BAZ1A: variants seen among roughly 807,000 people sequenced by gnomAD.
BAZ1A encodes the protein bromodomain adjacent to zinc finger domain 1A.
Under a neutral mutation model 185.2 loss-of-function variants are expected in BAZ1A, and 50 were observed. That is an observed-to-expected ratio of 0.27 (90% CI 0.22 to 0.34). The LOEUF is 0.34. Ranked by LOEUF, BAZ1A falls within the 10% of genes least tolerant of loss-of-function variation. The pLI is 1.00. For missense variants in BAZ1A, 1,356 were observed against 1,839.9 expected, an observed-to-expected ratio of 0.74 and a Z score of 4.81; for synonymous variants, 571 against 615.6, an observed-to-expected ratio of 0.93 and a Z score of 1.07.
chr14:34,800,947 TAAAC>T, intron 8 of BAZ1A, 143 bp downstream of exon 8: 1 of 582,302 alleles, frequency 1.7e-6, no homozygotes, highest in African/African-American at 2.0e-5. Flanking sequence ...AACAAACAAA[TAAAC>T]AATAGTTATC....
At chr14:34,772,073 G>C (rs1789986133) in intron 20 of BAZ1A, among the ~76,000 whole-genome samples, 1 of 151,936 alleles carries the variant, frequency 6.6e-6, no homozygotes, top group African/African-American at 2.4e-5. Context: ...TCCTGCCTCA[G>C]TCTCCTGAGT....
At chr14:34,837,025 G>A (rs1167384679) in intron 3 of BAZ1A, among the ~76,000 whole-genome samples, 1 of 151,490 alleles carries the variant, frequency 6.6e-6, no homozygotes, top group African/African-American at 2.4e-5. Flanking sequence ...CTTCCACCTC[G>A]GCCTCCCAAA....
intron 3 of BAZ1A, among the ~76,000 whole-genome samples, chr14:34,833,834 A>C (rs2042288482): frequency 6.6e-6 from 1 of 152,180 alleles, no homozygotes; most frequent in Non-Finnish European, 1.5e-5. Context: ...ACTGAACTGC[A>C]CACTTAAAAT....
chr14:34,772,221 TG>T (rs1363870717), intron 20 of BAZ1A, among the ~76,000 whole-genome samples: 1 of 152,202 alleles, frequency 6.6e-6, no homozygotes. Flanking sequence ...CCCAAAGTGC[TG>T]GGATTACAGG....
intron 6 of BAZ1A, among the ~76,000 whole-genome samples, chr14:34,804,750 T>C (rs973065176): frequency 6.6e-6 from 1 of 152,236 alleles, no homozygotes; most frequent in Non-Finnish European, 1.5e-5. Flanking sequence ...TCTTCTCAAA[T>C]ATCACACTCA....
chr14:34,836,870 T>G (rs565119527), intron 3 of BAZ1A, among the ~76,000 whole-genome samples: 1 of 152,094 alleles, frequency 6.6e-6, no homozygotes, highest in African/African-American at 2.4e-5. Flanking sequence ...AGGAAAAGAT[T>G]GCTTTGTTTA....
chr14:34,768,298 G>A (rs75238194), intron 21 of BAZ1A, among the ~76,000 whole-genome samples: 1,863 of 151,934 alleles, frequency 0.012, 52 homozygotes, highest in African/African-American at 0.043. Context: ...GCTTCTCTAG[G>A]GGACAAAACA....
chr14:34,853,206 TCTC>T (rs1442216232), intron 3 of BAZ1A, among the ~76,000 whole-genome samples: 4 of 152,210 alleles, frequency 2.6e-5, no homozygotes, highest in Admixed American at 6.5e-5. Flanking sequence ...TCACAAGACT[TCTC>T]CTGTAGGCTC....
intron 3 of BAZ1A, among the ~76,000 whole-genome samples, chr14:34,858,266 A>T (rs1001152817): frequency 1.3e-4 from 20 of 151,702 alleles, no homozygotes; most frequent in Admixed American, 3.3e-4. Flanking sequence ...TTAAAAAAAA[A>T]TTTTTTTTTG....
intron 3 of BAZ1A, among the ~76,000 whole-genome samples, chr14:34,846,476 G>A (rs187450996): frequency 6.6e-6 from 1 of 152,178 alleles, no homozygotes; most frequent in Non-Finnish European, 1.5e-5. Flanking sequence ...AATTTGTATG[G>A]TAAGTCTAAA....
chr14:34,829,809 T>C (rs1003749726), intron 3 of BAZ1A, among the ~76,000 whole-genome samples: 10 of 152,164 alleles, frequency 6.6e-5, no homozygotes, highest in Non-Finnish European at 1.2e-4. Context: ...TGACCACACT[T>C]CTTCTCTGTC....
At chr14:34,783,041 C>A in intron 16 of BAZ1A, 78 bp downstream of exon 16, 1 of 1,136,564 alleles carries the variant, frequency 8.8e-7, no homozygotes, top group South Asian at 1.4e-5. Context: ...AATGTGAAAG[C>A]ATTTTTAGAG....
chr14:34,776,972 C>G (rs1181219557), intron 17 of BAZ1A, among the ~76,000 whole-genome samples: 3 of 152,174 alleles, frequency 2.0e-5, no homozygotes, highest in Non-Finnish European at 4.4e-5. Flanking sequence ...GCAGCCCAAG[C>G]AGACTAATAC....
chr14:34,799,715 G>A (rs969088624), intron 9 of BAZ1A, among the ~76,000 whole-genome samples: 6 of 151,828 alleles, frequency 4.0e-5, no homozygotes, highest in Non-Finnish European at 1.5e-5. Context: ...ATGTTCAAGC[G>A]ATTCTCCTGC....
At chr14:34,848,923 C>G (rs2042556408) in intron 3 of BAZ1A, among the ~76,000 whole-genome samples, 2 of 152,158 alleles carry the variant, frequency 1.3e-5, no homozygotes, top group East Asian at 3.9e-4. Flanking sequence ...GCAAAAGAAG[C>G]TTTATCCGTC....
In BAZ1A at chr14:34,801,156, T is replaced by C. The variant is rs141117267; in HGVS notation, c.899A>G (p.Tyr300Cys). Residue 300 changes from tyrosine (Y) to cysteine (C), a missense_variant, in exon 8 of 27, where the codon TAT (tyrosine) becomes TGT (cysteine). By Grantham distance (194) the Tyr-to-Cys change is radical. Coordinates refer to ENST00000360310, the MANE Select transcript of BAZ1A (RefSeq NM_013448.3). ...NVANKQTLAS[Y>C]RSKATKERDK... ...TCTTTCTTTAGTAGCTTTGCTCCTA[T>C]AACTTGCAAGAGTCTGTTTATTAGC... is the stretch of plus-strand genomic sequence containing the variant. 5.0e-6 allele frequency: 8 copies of C among 1,607,968 alleles called. No homozygotes were observed. Among genetic ancestry groups the C allele is most frequent in the East Asian group, 2.2e-5 (1 of 44,568 alleles).
At chr14:34,868,373 G>T (rs1447486458) in intron 2 of BAZ1A, among the ~76,000 whole-genome samples, 1 of 152,102 alleles carries the variant, frequency 6.6e-6, no homozygotes, top group Non-Finnish European at 1.5e-5. Flanking sequence ...TCTTAAGAAC[G>T]CACCTGTAAT....
chr14:34,777,086 T>C (rs776423697), intron 17 of BAZ1A, among the ~76,000 whole-genome samples: 2 of 152,222 alleles, frequency 1.3e-5, no homozygotes, highest in African/African-American at 4.8e-5. Flanking sequence ...TCTCCTCCAG[T>C]AGTCATCCCA....
intron 3 of BAZ1A, among the ~76,000 whole-genome samples, chr14:34,847,165 G>A (rs1037033878): frequency 6.6e-6 from 1 of 151,764 alleles, no homozygotes; most frequent in Non-Finnish European, 1.5e-5. Context: ...GCACGAGAAT[G>A]GCTTGAACCC....
Sources: allele counts gnomAD v4.1 joint callset (sites outside exome capture counted in the v4.1 genomes callset), GRCh38; gene constraint gnomAD v4.1.1; transcripts MANE v1.5; gene names NCBI Gene and HGNC (gene_info 2026-07-23, HGNC 2026-07-21).